STARD13: variants seen among roughly 807,000 people sequenced by gnomAD.
The protein encoded by STARD13 is stAR-related lipid transfer protein 13.
Under a neutral mutation model 106.4 loss-of-function variants are expected in STARD13, and 62 were observed. The observed-to-expected ratio is 0.58, with a 90% CI of 0.48 to 0.72. The LOEUF is 0.72. Among genes scored for constraint, STARD13 ranks in the 30% least tolerant of loss-of-function variants. The pLI is 0.00. For missense variants in STARD13, 1,387 were observed against 1,424.0 expected (o/e 0.97, Z 0.42); for synonymous variants, 565 against 553.0 (o/e 1.02, Z -0.31).
intron 1 of STARD13, among the ~76,000 whole-genome samples, chr13:33,199,850 T>C (rs1326295612): frequency 6.6e-6 from 1 of 152,156 alleles, no homozygotes; most frequent in East Asian, 1.9e-4. Context: ...TCGTAATGTA[T>C]ATATATGGCC....
the STARD13 span, among the ~76,000 whole-genome samples, chr13:33,514,225 T>C: frequency 6.6e-6 from 1 of 152,110 alleles, no homozygotes; most frequent in Non-Finnish European, 1.5e-5. Flanking sequence ...CAAAGTGTAA[T>C]GGAGAAAATG....
the STARD13 span, among the ~76,000 whole-genome samples, chr13:33,473,212 C>G: frequency 6.6e-6 from 1 of 152,088 alleles, no homozygotes; most frequent in Non-Finnish European, 1.5e-5. Flanking sequence ...AATCTGGTGT[C>G]AGGAAAATAA....
At chr13:33,593,196 T>A in the STARD13 span, among the ~76,000 whole-genome samples, 1 of 152,156 alleles carries the variant, frequency 6.6e-6, no homozygotes, top group Non-Finnish European at 1.5e-5. Flanking sequence ...TTTATTTTTT[T>A]ATTTTTGATA....
the STARD13 span, among the ~76,000 whole-genome samples, chr13:33,399,295 C>G: frequency 6.6e-6 from 1 of 152,026 alleles, no homozygotes; most frequent in African/African-American, 2.4e-5. Context: ...AACTCTCAAG[C>G]AGAGAGTAGG....
chr13:33,358,540 A>G, the STARD13 span, among the ~76,000 whole-genome samples: 1 of 152,152 alleles, frequency 6.6e-6, no homozygotes. Context: ...TTGTGAGTGC[A>G]CCAATCGACA....
At chr13:33,368,210 C>T in the STARD13 span, among the ~76,000 whole-genome samples, 1 of 152,198 alleles carries the variant, frequency 6.6e-6, no homozygotes, top group African/African-American at 2.4e-5. Context: ...TCACATCTAA[C>T]CAGCCTCCCT....
At chr13:33,600,546 A>G in the STARD13 span, among the ~76,000 whole-genome samples, 1 of 152,226 alleles carries the variant, frequency 6.6e-6, no homozygotes, top group Non-Finnish European at 1.5e-5. Flanking sequence ...CATAGAAAGA[A>G]AGCAAATGGG....
At chr13:33,194,426 T>TA (rs1035436099) in intron 1 of STARD13, among the ~76,000 whole-genome samples, 15 of 151,636 alleles carry the variant, frequency 9.9e-5, no homozygotes, top group South Asian at 4.2e-4. Flanking sequence ...GACTGAATCT[T>TA]AAAAAAAAAT....
At chr13:33,476,826 G>T in the STARD13 span, among the ~76,000 whole-genome samples, 1 of 152,162 alleles carries the variant, frequency 6.6e-6, no homozygotes, top group Non-Finnish European at 1.5e-5. Flanking sequence ...GAAGCCTTTT[G>T]ACTTCTGGGT....
chr13:33,436,554 T>C, the STARD13 span, among the ~76,000 whole-genome samples: 3 of 152,228 alleles, frequency 2.0e-5, no homozygotes, highest in African/African-American at 4.8e-5. Flanking sequence ...TATAGTATAA[T>C]ATATAACATT....
the STARD13 span, among the ~76,000 whole-genome samples, chr13:33,528,241 T>TACATATATATATATAC: frequency 1.5e-5 from 2 of 130,518 alleles, no homozygotes; most frequent in African/African-American, 3.5e-5. Context: ...TATATATATA[T>TACATATATATATATAC]ACATATATAT....
At chr13:33,662,443 G>A in the STARD13 span, among the ~76,000 whole-genome samples, 7 of 152,234 alleles carry the variant, frequency 4.6e-5, no homozygotes, top group East Asian at 1.9e-4. Flanking sequence ...AAAGGCCACC[G>A]GAATGGATAT....
intron 12 of STARD13, among the ~76,000 whole-genome samples, chr13:33,107,165 G>A (rs1349234368): frequency 6.6e-6 from 1 of 152,206 alleles, no homozygotes; most frequent in Non-Finnish European, 1.5e-5. Context: ...TGGTCTTGCA[G>A]CTTTCAGATC....
chr13:33,429,654 A>T, the STARD13 span, among the ~76,000 whole-genome samples: 1 of 152,224 alleles, frequency 6.6e-6, no homozygotes, highest in Non-Finnish European at 1.5e-5. Flanking sequence ...AAGTGAAATA[A>T]GCCAGGTAGA....
the STARD13 span, among the ~76,000 whole-genome samples, chr13:33,477,890 T>C: frequency 3.3e-4 from 50 of 152,326 alleles, no homozygotes; most frequent in African/African-American, 1.0e-3. Context: ...CTGAGTTCCT[T>C]TCTCAAGAAA....
chr13:33,415,325 G>T, the STARD13 span, among the ~76,000 whole-genome samples: 1 of 152,240 alleles, frequency 6.6e-6, no homozygotes, highest in South Asian at 2.1e-4. Flanking sequence ...CTGAGATTGC[G>T]CCACTGCACT....
At chr13:33,601,208 G>GTTTTTTTTTT in the STARD13 span, among the ~76,000 whole-genome samples, 1 of 150,212 alleles carries the variant, frequency 6.7e-6, no homozygotes, top group Non-Finnish European at 1.5e-5. Context: ...TTCAAAAAAT[G>GTTTTTTTTTT]TTTTTGTTTT....
the STARD13 span, among the ~76,000 whole-genome samples, chr13:33,666,140 T>C: frequency 1.7e-3 from 255 of 152,308 alleles, no homozygotes; most frequent in Admixed American, 3.7e-3. Flanking sequence ...AATCTCTAAA[T>C]GGAGGAAAAT....
chr13:33,287,005 G>A (rs1309556773), upstream of STARD13, among the ~76,000 whole-genome samples: 2 of 151,948 alleles, frequency 1.3e-5, no homozygotes, highest in Non-Finnish European at 2.9e-5. Flanking sequence ...AAGAGAAAAA[G>A]TCCACAGAAA....
Sources: allele counts gnomAD v4.1 joint callset (sites outside exome capture counted in the v4.1 genomes callset), GRCh38; gene constraint gnomAD v4.1.1; transcripts MANE v1.5; gene names NCBI Gene and HGNC (gene_info 2026-07-23, HGNC 2026-07-21).